The following KCNB2 variants were observed in gnomAD, a reference collection of about 807,000 sequenced individuals.
KCNB2 encodes potassium voltage-gated channel subfamily B member 2.
In KCNB2, 15 loss-of-function variants were observed where a neutral mutation model predicts 61.5. The observed-to-expected ratio is 0.24, with a 90% CI of 0.16 to 0.38. The LOEUF (loss-of-function observed/expected upper bound fraction) is 0.38, where lower values mean the gene tolerates loss of function less well. KCNB2 is among the 10% of genes least tolerant of loss of function. The pLI is 1.00. For missense variants in KCNB2, 828 were observed against 1,125.2 expected (o/e 0.74, Z 3.78); for synonymous variants, 457 against 446.0 (o/e 1.02, Z -0.31).
intron 1 of KCNB2, among the ~76,000 whole-genome samples, chr8:72,564,574 G>T (rs1010492071): frequency 6.6e-5 from 10 of 152,236 alleles, no homozygotes; most frequent in Non-Finnish European, 1.5e-4. Flanking sequence ...CACTGGAATT[G>T]CCCCATCTCT....
At chr8:72,908,272 T>A (rs150754803) in intron 2 of KCNB2, among the ~76,000 whole-genome samples, 35 of 152,222 alleles carry the variant, frequency 2.3e-4, no homozygotes, top group African/African-American at 8.2e-4. Flanking sequence ...GAAGCATCCC[T>A]GACCTTCTAG....
intron 2 of KCNB2, among the ~76,000 whole-genome samples, chr8:72,902,371 G>A (rs1361361616): frequency 6.6e-6 from 1 of 152,144 alleles, no homozygotes; most frequent in Admixed American, 6.6e-5. Context: ...TGTGATCAGA[G>A]GATGGAGTTT....
At chr8:72,566,222 G>C (rs1218442385) in intron 1 of KCNB2, among the ~76,000 whole-genome samples, 1 of 152,192 alleles carries the variant, frequency 6.6e-6, no homozygotes, top group Non-Finnish European at 1.5e-5. Context: ...GACTAACTAG[G>C]CTTTAAAGTG....
intron 2 of KCNB2, among the ~76,000 whole-genome samples, chr8:72,717,080 A>C (rs1425027416): frequency 3.3e-5 from 5 of 152,144 alleles, no homozygotes; most frequent in East Asian, 1.9e-4. Flanking sequence ...CAAAGGAATA[A>C]AATACCTAGG....
chr8:72,771,952 A>T (rs1480481280), intron 2 of KCNB2, among the ~76,000 whole-genome samples: 1 of 152,192 alleles, frequency 6.6e-6, no homozygotes, highest in Non-Finnish European at 1.5e-5. Context: ...GGAAAGCCAC[A>T]GAGTGCTGGC....
intron 1 of KCNB2, among the ~76,000 whole-genome samples, chr8:72,543,224 TAGAA>T (rs1400504552): frequency 6.6e-6 from 1 of 152,118 alleles, no homozygotes; most frequent in Non-Finnish European, 1.5e-5. Context: ...CTATCTGTAA[TAGAA>T]AGAGTAAATA....
chr8:72,686,171 T>C (rs1806849636), intron 2 of KCNB2, among the ~76,000 whole-genome samples: 1 of 152,130 alleles, frequency 6.6e-6, no homozygotes, highest in Non-Finnish European at 1.5e-5. Context: ...ACACAAAATA[T>C]CTCAGTATAT....
intron 1 of KCNB2, among the ~76,000 whole-genome samples, chr8:72,565,645 TAC>T (rs137899039): frequency 4.7e-5 from 7 of 149,946 alleles, no homozygotes; most frequent in African/African-American, 9.8e-5. Context: ...TGAAGCAGAA[TAC>T]ACACACACAC....
At chr8:72,587,244 T>C (rs924853035) in intron 2 of KCNB2, among the ~76,000 whole-genome samples, 4 of 152,144 alleles carry the variant, frequency 2.6e-5, no homozygotes, top group Non-Finnish European at 5.9e-5. Flanking sequence ...ACAATCCACT[T>C]GTCAGCCTAT....
chr8:72,784,467 G>A (rs1247736383), intron 2 of KCNB2, among the ~76,000 whole-genome samples: 3 of 152,178 alleles, frequency 2.0e-5, no homozygotes, highest in Admixed American at 6.5e-5. Flanking sequence ...TCCTGAGACT[G>A]AGTAATTTTA....
chr8:72,868,554 G>T (rs2129004579), intron 2 of KCNB2, among the ~76,000 whole-genome samples: 1 of 151,614 alleles, frequency 6.6e-6, no homozygotes, highest in Admixed American at 6.6e-5. Flanking sequence ...CTCCAGCCTG[G>T]CAACAAAGCA....
At chr8:72,862,541 CTT>C (rs1235450260) in intron 2 of KCNB2, among the ~76,000 whole-genome samples, 1 of 152,082 alleles carries the variant, frequency 6.6e-6, no homozygotes, top group African/African-American at 2.4e-5. Flanking sequence ...TCTAAGATCA[CTT>C]TTATTGAGAA....
intron 2 of KCNB2, among the ~76,000 whole-genome samples, chr8:72,827,392 T>G (rs528795493): frequency 6.6e-6 from 1 of 152,204 alleles, no homozygotes; most frequent in Admixed American, 6.5e-5. Context: ...CAATATACTC[T>G]GCCATGGTGA....
At chr8:72,911,765 A>T (rs1310049549) in intron 2 of KCNB2, among the ~76,000 whole-genome samples, 1 of 152,220 alleles carries the variant, frequency 6.6e-6, no homozygotes, top group Non-Finnish European at 1.5e-5. Flanking sequence ...GCTGGGTTCA[A>T]ATCCCAGCTA....
At chr8:72,868,065 T>TA (rs1805559251) in intron 2 of KCNB2, among the ~76,000 whole-genome samples, 2 of 148,940 alleles carry the variant, frequency 1.3e-5, no homozygotes, top group Admixed American at 6.6e-5. Context: ...GGTTTTTTTT[T>TA]TTATTATTTA....
intron 2 of KCNB2, among the ~76,000 whole-genome samples, chr8:72,652,321 C>G (rs983292636): frequency 6.6e-6 from 1 of 152,102 alleles, no homozygotes; most frequent in African/African-American, 2.4e-5. Flanking sequence ...TCATGCAAAG[C>G]CCACAGAATT....
intron 2 of KCNB2, among the ~76,000 whole-genome samples, chr8:72,832,761 G>A (rs543746423): frequency 2.0e-5 from 3 of 152,160 alleles, no homozygotes; most frequent in African/African-American, 4.8e-5. Flanking sequence ...GCTATTTCCC[G>A]TATGTCCCCG....
At chr8:72,677,567 C>G (rs1450655139) in intron 2 of KCNB2, among the ~76,000 whole-genome samples, 5 of 152,168 alleles carry the variant, frequency 3.3e-5, no homozygotes, top group African/African-American at 1.2e-4. Context: ...TCCAATCAGG[C>G]TTTTTTCAAA....
intron 2 of KCNB2, among the ~76,000 whole-genome samples, chr8:72,892,072 G>C (rs974714478): frequency 6.6e-6 from 1 of 152,140 alleles, no homozygotes; most frequent in Non-Finnish European, 1.5e-5. Flanking sequence ...AACACCCTCA[G>C]TTTTGCTCCA....
Sources: allele counts gnomAD v4.1 joint callset (sites outside exome capture counted in the v4.1 genomes callset), GRCh38; gene constraint gnomAD v4.1.1; transcripts MANE v1.5; gene names NCBI Gene and HGNC (gene_info 2026-07-23, HGNC 2026-07-21).